Variants in CNTNAP2 observed in about 807,000 individuals in gnomAD.
The protein encoded by CNTNAP2 is contactin-associated protein-like 2.
CNTNAP2 carries 98 observed loss-of-function variants against 155.2 expected under a neutral mutation model. The observed-to-expected ratio is 0.63, with a 90% CI of 0.54 to 0.75. CNTNAP2 has a LOEUF of 0.75. Ranked by LOEUF, CNTNAP2 falls within the 30% of genes least tolerant of loss-of-function variation. CNTNAP2 has a pLI of 0.00. For synonymous variants in CNTNAP2, 651 were observed against 631.2 expected (o/e 1.03, Z -0.47); for missense variants, 1,727 against 1,688.1 (o/e 1.02, Z -0.40).
chr7:147,211,858 TA>T (rs1378896843), intron 8 of CNTNAP2, among the ~76,000 whole-genome samples: 2 of 151,894 alleles, frequency 1.3e-5, no homozygotes, highest in Non-Finnish European at 2.9e-5. Flanking sequence ...GTTAACAAAG[TA>T]AACACAACCT....
At chr7:147,826,408 A>G (rs1223344495) in intron 13 of CNTNAP2, among the ~76,000 whole-genome samples, 2 of 152,174 alleles carry the variant, frequency 1.3e-5, no homozygotes, top group African/African-American at 4.8e-5. Context: ...TCTATGTCCT[A>G]TTTGACATTA....
At chr7:146,410,038 G>C (rs546841843) in intron 1 of CNTNAP2, among the ~76,000 whole-genome samples, 1 of 152,202 alleles carries the variant, frequency 6.6e-6, no homozygotes, top group East Asian at 1.9e-4. Context: ...TAACAATCAA[G>C]GACCTGGTAT....
rs1277717135 is a variant in CNTNAP2, at chr7:146,929,195, G to A, written c.402+89291G>A. ...CTAACTGGGAGGCACCCCCCAGTAG[G>A]GGCAGACTGACACCTCACACGGCCG... On this transcript the variant is annotated intron_variant, in intron 3 of 23. Transcript: ENST00000361727. Among the ~76,000 whole-genome samples, 7 of 152,284 alleles carry A rather than the reference G, an allele frequency of 4.6e-5. No homozygotes were observed. The East Asian group carries it at 1.4e-3, about 29-fold the overall frequency.
At chr7:146,960,867 T>A (rs112305234) in intron 3 of CNTNAP2, among the ~76,000 whole-genome samples, 22 of 152,122 alleles carry the variant, frequency 1.4e-4, no homozygotes, top group African/African-American at 5.1e-4. Context: ...ACTTGTGACC[T>A]CTAGCTGTGA....
chr7:147,373,214 G>T (rs59750133), intron 9 of CNTNAP2, among the ~76,000 whole-genome samples: 8,611 of 152,044 alleles, frequency 0.057, 340 homozygotes, highest in African/African-American at 0.1. Context: ...AAAAGGTAAA[G>T]AATTTCCCGT....
At chr7:148,285,963 A>G (rs1226757354) in intron 21 of CNTNAP2, among the ~76,000 whole-genome samples, 2 of 152,240 alleles carry the variant, frequency 1.3e-5, no homozygotes, top group African/African-American at 2.4e-5. Flanking sequence ...CATATTTTGT[A>G]TATGTATTAT....
intron 9 of CNTNAP2, among the ~76,000 whole-genome samples, chr7:147,343,445 A>G (rs572541396): frequency 2.6e-5 from 4 of 152,280 alleles, no homozygotes; most frequent in Admixed American, 2.6e-4. Context: ...ACATGTGGAT[A>G]AAAAGATGAA....
intron 1 of CNTNAP2, among the ~76,000 whole-genome samples, chr7:146,264,607 CAG>C (rs760443493): frequency 2.6e-5 from 4 of 152,024 alleles, no homozygotes; most frequent in Non-Finnish European, 4.4e-5. Context: ...ACAATGAAAA[CAG>C]AGACATGAGG....
chr7:148,153,047 A>AAAT (rs869270617), intron 17 of CNTNAP2, among the ~76,000 whole-genome samples: 18 of 148,124 alleles, frequency 1.2e-4, no homozygotes, highest in African/African-American at 4.3e-4. Flanking sequence ...AAAAAAAAAA[A>AAAT]GCTAAACTCT....
chr7:148,004,884 C>T (rs1801948631), intron 15 of CNTNAP2, among the ~76,000 whole-genome samples: 1 of 152,180 alleles, frequency 6.6e-6, no homozygotes, highest in African/African-American at 2.4e-5. Context: ...AAGCATCTAT[C>T]TCCTCTTCCT....
At chr7:147,076,946 CT>C (rs1295641489) in intron 4 of CNTNAP2, among the ~76,000 whole-genome samples, 3 of 152,104 alleles carry the variant, frequency 2.0e-5, no homozygotes, top group African/African-American at 7.2e-5. Context: ...GCAATAACCC[CT>C]CAGCTGGCAA....
chr7:147,531,822 T>TCC (rs1554402412), intron 11 of CNTNAP2, among the ~76,000 whole-genome samples: 3 of 143,486 alleles, frequency 2.1e-5, no homozygotes, highest in African/African-American at 5.1e-5. Context: ...TTTTTTTTTT[T>TCC]CCGAGACAAA....
intron 2 of CNTNAP2, among the ~76,000 whole-genome samples, chr7:146,802,723 A>C (rs578260188): frequency 5.9e-5 from 9 of 152,280 alleles, no homozygotes; most frequent in African/African-American, 2.2e-4. Flanking sequence ...ACTGTGAGTC[A>C]ATTAAACCTC....
intron 1 of CNTNAP2, among the ~76,000 whole-genome samples, chr7:146,326,777 A>G (rs1194408014): frequency 1.3e-5 from 2 of 152,220 alleles, no homozygotes; most frequent in Non-Finnish European, 2.9e-5. Flanking sequence ...CTAATTTACT[A>G]TCACCTTTGT....
chr7:147,005,454 A>G (rs942321620), intron 3 of CNTNAP2, among the ~76,000 whole-genome samples: 4 of 152,080 alleles, frequency 2.6e-5, no homozygotes, highest in Non-Finnish European at 2.9e-5. Context: ...CAAAGGACAA[A>G]TGAAGAACAT....
At chr7:146,846,454 T>A (rs1044219789) in intron 3 of CNTNAP2, among the ~76,000 whole-genome samples, 18 of 152,182 alleles carry the variant, frequency 1.2e-4, no homozygotes, top group African/African-American at 4.3e-4. Context: ...CTTATTTCTG[T>A]GAAATAGATT....
At chr7:148,334,775 C>T (rs1798088093) in intron 21 of CNTNAP2, among the ~76,000 whole-genome samples, 1 of 152,180 alleles carries the variant, frequency 6.6e-6, no homozygotes, top group Non-Finnish European at 1.5e-5. Flanking sequence ...GGGAGGGCTG[C>T]CCATGCAAAG....
At chr7:147,818,043 A>T (rs1420204067) in intron 13 of CNTNAP2, among the ~76,000 whole-genome samples, 1 of 151,948 alleles carries the variant, frequency 6.6e-6, no homozygotes, top group Non-Finnish European at 1.5e-5. Context: ...TAGTTACAGA[A>T]TTTTTCATTA....
chr7:148,016,186 C>T (rs1179564214), intron 15 of CNTNAP2, among the ~76,000 whole-genome samples: 1 of 152,186 alleles, frequency 6.6e-6, no homozygotes, highest in African/African-American at 2.4e-5. Flanking sequence ...ATCTCCACGT[C>T]CTTTGTAGAG....
Sources: allele counts gnomAD v4.1 joint callset (sites outside exome capture counted in the v4.1 genomes callset), GRCh38; gene constraint gnomAD v4.1.1; transcripts MANE v1.5; gene names NCBI Gene and HGNC (gene_info 2026-07-23, HGNC 2026-07-21).